Variants in UGGT2 observed in about 807,000 individuals in gnomAD.
UGGT2 encodes the protein UDP-glucose glycoprotein glucosyltransferase 2, also known as UDP-glucose:glycoprotein glucosyltransferase 2.
UGGT2 carries 180 observed loss-of-function variants against 192.1 expected under a neutral mutation model. The ratio of observed to expected loss-of-function variants is 0.94; its 90% CI spans 0.83 to 1.06. UGGT2 has a LOEUF of 1.06. UGGT2 is among the 50% of genes least tolerant of loss of function. The pLI, the probability that UGGT2 is intolerant of heterozygous loss-of-function variation, is 0.00. For synonymous variants in UGGT2, 580 were observed against 591.0 expected, an observed-to-expected ratio of 0.98 and a Z score of 0.27; for missense variants, 1,849 against 1,795.7, an observed-to-expected ratio of 1.03 and a Z score of -0.54.
At chr13:95,850,549 G>A (rs936031565) in intron 36 of UGGT2, among the ~76,000 whole-genome samples, 2 of 152,224 alleles carry the variant, frequency 1.3e-5, no homozygotes, top group Non-Finnish European at 2.9e-5. Flanking sequence ...GACACAATGG[G>A]CACATGAATG....
Position 95,863,703 on chromosome 13 carries a change from T to C in UGGT2, c.3570A>G (p.Glu1190=). The C allele has an allele frequency of 1.2e-6, 2 of 1,612,528 alleles. No individual in the cohort carries two copies. The highest frequency in any genetic ancestry group is 1.7e-6 in the Non-Finnish European group (2 of 1,178,960). ...GGATATCTTCCTTAATTTTGTCTGT[T>C]TCTTTTTTCACCTAGATAGCATGGC... ...SKILKVKVKK[E]TDKIKEDILT... is the part of the protein sequence containing the mutation. Residue 1190 remains glutamate (E), a synonymous_variant, in exon 31 of 39, where the codon GAA becomes GAG. Coordinates refer to ENST00000376747, the MANE Select transcript of UGGT2 (RefSeq NM_020121.4).
chr13:95,911,817 C>T (rs2048508041), intron 20 of UGGT2, among the ~76,000 whole-genome samples: 1 of 152,128 alleles, frequency 6.6e-6, no homozygotes, highest in Non-Finnish European at 1.5e-5. Context: ...CCCTGATGAA[C>T]ATCAATGCAA....
At chr13:95,912,414 A>G (rs971280751) in intron 20 of UGGT2, among the ~76,000 whole-genome samples, 1 of 152,240 alleles carries the variant, frequency 6.6e-6, no homozygotes, top group Non-Finnish European at 1.5e-5. Context: ...TCAATGTGCA[A>G]AAATCACAAG....
intron 20 of UGGT2, among the ~76,000 whole-genome samples, chr13:95,904,550 G>T (rs1374241745): frequency 1.3e-5 from 2 of 149,682 alleles, no homozygotes. Flanking sequence ...GCGGTGTTTG[G>T]TTTTTTGTTC....
intron 29 of UGGT2, among the ~76,000 whole-genome samples, chr13:95,872,312 T>C (rs1891290008): frequency 6.6e-6 from 1 of 152,202 alleles, no homozygotes; most frequent in Non-Finnish European, 1.5e-5. Context: ...AAGTACACAT[T>C]GTGGGCATTA....
chr13:95,953,144 T>G (rs1370709167), intron 12 of UGGT2, among the ~76,000 whole-genome samples: 1 of 152,208 alleles, frequency 6.6e-6, no homozygotes, highest in Non-Finnish European at 1.5e-5. Flanking sequence ...ATGTGAAATT[T>G]CAACACCAAA....
chr13:95,838,463 G>T (rs1210497275), intron 36 of UGGT2, among the ~76,000 whole-genome samples: 1 of 151,946 alleles, frequency 6.6e-6, no homozygotes, highest in Non-Finnish European at 1.5e-5. Context: ...TAAAGTTTAG[G>T]GAAAAAGGAA....
At chr13:95,966,841 T>C (rs967096305) in intron 12 of UGGT2, among the ~76,000 whole-genome samples, 49 of 152,332 alleles carry the variant, frequency 3.2e-4, no homozygotes, top group African/African-American at 1.1e-3. Flanking sequence ...TAAATTTTGA[T>C]ATATTTCCTT....
intron 17 of UGGT2, among the ~76,000 whole-genome samples, chr13:95,936,238 A>G (rs968556841): frequency 6.6e-6 from 1 of 152,204 alleles, no homozygotes; most frequent in Non-Finnish European, 1.5e-5. Flanking sequence ...GCTTTCAATT[A>G]TATTTTGAAA....
Position 95,827,994 on chromosome 13 carries a change from A to G in UGGT2, c.4528+4933T>C, listed in dbSNP as rs112931710. On this transcript the variant is annotated intron_variant, in intron 38 of 38. Coordinates refer to ENST00000376747, the MANE Select transcript of UGGT2 (RefSeq NM_020121.4). The stretch of plus-strand genomic sequence containing the variant: ...GACTTCACCTTGCACTCTTCGACCA[A>G]TCAATGCTCTCCATACTCTGGCCCC... Among the ~76,000 whole-genome samples the G allele has an allele frequency of 7.6e-4, 116 of 152,222 alleles. 3 individuals are homozygous for G. In the Middle Eastern group the frequency reaches 0.01, roughly 13 times the overall value.
At chr13:96,052,617 C>A (rs1281483399) in intron 1 of UGGT2, among the ~76,000 whole-genome samples, 1 of 152,188 alleles carries the variant, frequency 6.6e-6, no homozygotes, top group Non-Finnish European at 1.5e-5. Context: ...AAAGAACTTT[C>A]TAATTTTACT....
chr13:95,841,075 G>T (rs942209591), intron 36 of UGGT2, among the ~76,000 whole-genome samples: 3 of 152,068 alleles, frequency 2.0e-5, no homozygotes, highest in African/African-American at 7.2e-5. Flanking sequence ...CGGAGGGAGA[G>T]CATTAGGACA....
intron 10 of UGGT2, among the ~76,000 whole-genome samples, chr13:95,981,761 C>T (rs2051133578): frequency 6.6e-6 from 1 of 152,178 alleles, no homozygotes; most frequent in South Asian, 2.1e-4. Flanking sequence ...AATCCGTGTG[C>T]AATGCAATTG....
intron 36 of UGGT2, among the ~76,000 whole-genome samples, chr13:95,845,453 C>G (rs1594130567): frequency 6.8e-6 from 1 of 147,228 alleles, no homozygotes; most frequent in African/African-American, 2.5e-5. Context: ...CCTTAGTGGA[C>G]AAAGCACATG....
intron 7 of UGGT2, 27 bp downstream of exon 7, chr13:95,996,036 A>C (rs768423129): frequency 4.4e-6 from 7 of 1,597,404 alleles, no homozygotes; most frequent in Non-Finnish European, 6.0e-6. Flanking sequence ...GTATAATAAT[A>C]CCAATTTCAT....
In UGGT2 at chr13:96,017,540, G is replaced by A. The variant is rs562570108; in HGVS notation, c.486-4059C>T. Reference sequence around the variant, plus strand: ...TTACTTATAAATTACCCAGCCTCAGGTATTTCTTTATAGTAACACAAAAAC... The same window carrying A: ...TTACTTATAAATTACCCAGCCTCAGATATTTCTTTATAGTAACACAAAAAC... On this transcript the variant is annotated intron_variant, in intron 4 of 38. Coordinates refer to ENST00000376747, the MANE Select transcript of UGGT2 (RefSeq NM_020121.4). 3.9e-5 allele frequency among the ~76,000 whole-genome samples: 6 copies of A among 152,218 alleles called. No individual in the cohort carries two copies. In the South Asian group the frequency reaches 1.2e-3, roughly 32 times the overall value.
chr13:95,877,317 T>A lies in UGGT2; in HGVS notation c.3435A>T (p.Leu1145Phe), dbSNP rs41315036. The A allele has an allele frequency of 2.6e-5, 41 of 1,606,622 alleles. 1 individual carries two copies. The African/African-American group carries it at 4.8e-4, about 19-fold the overall frequency. The change falls in exon 29 of 39, where the codon TTA becomes TTT. Residue 1145 changes from leucine to phenylalanine, a missense_variant. By Grantham distance (22) the Leu-to-Phe change is conservative. Coordinates refer to ENST00000376747, the MANE Select transcript of UGGT2 (RefSeq NM_020121.4). ...KANPGAWILR[L>F]HQGKSEDIYQ... The stretch of plus-strand genomic sequence containing the variant: ...AAATATCTTCAGATTTTCCTTGGTG[T>A]AACCTCAGTATCCAAGCACCTGGGT...
At chr13:96,052,844 G>C (rs2053525414) in intron 1 of UGGT2, among the ~76,000 whole-genome samples, 1 of 152,226 alleles carries the variant, frequency 6.6e-6, no homozygotes, top group African/African-American at 2.4e-5. Context: ...GCCTACCCCA[G>C]TAGAAGCTCT....
chr13:95,814,987 C>G (rs367725627), intron 38 of UGGT2, among the ~76,000 whole-genome samples: 5 of 152,248 alleles, frequency 3.3e-5, no homozygotes, highest in African/African-American at 1.2e-4. Context: ...ATGATCATCT[C>G]AACAGATATT....
Sources: gnomAD v4.1 joint callset for allele counts (sites outside exome capture counted in the v4.1 genomes callset) on GRCh38, gnomAD v4.1.1 for gene constraint, MANE v1.5 for transcripts, NCBI Gene and HGNC (gene_info 2026-07-23, HGNC 2026-07-21) for gene names.